Variants in ESR1 observed in about 807,000 individuals in gnomAD.
ESR1 encodes the protein estrogen receptor.
In ESR1, 12 loss-of-function variants were observed where a neutral mutation model predicts 52.7. The observed-to-expected ratio is 0.23, with a 90% confidence interval of 0.15 to 0.37. The LOEUF (loss-of-function observed/expected upper bound fraction) is 0.37. Ranked by LOEUF, ESR1 falls within the 10% of genes least tolerant of loss-of-function variation. The probability of loss-of-function intolerance (pLI) is 1.00; values close to 1 mark genes in which losing one functional copy is unlikely to be tolerated. For missense variants in ESR1, 584 were observed against 779.7 expected (o/e 0.75, Z 2.99); for synonymous variants, 305 against 316.8 (o/e 0.96, Z 0.39).
At chr6:151,691,715 G>A (rs1193341497) in intron 1 of ESR1, among the ~76,000 whole-genome samples, 1 of 149,252 alleles carries the variant, frequency 6.7e-6, no homozygotes, top group Non-Finnish European at 1.5e-5. Context: ...GAGTAAACAG[G>A]AAGACCAGGT....
At chr6:151,850,030 A>ATATATATATAATTT (rs1786130351) in intron 2 of ESR1, among the ~76,000 whole-genome samples, 11 of 77,890 alleles carry the variant, frequency 1.4e-4, no homozygotes, top group South Asian at 8.3e-4. Context: ...ATACAAAATT[A>ATATATATATAATTT]TATATATATA....
intron 3 of ESR1, among the ~76,000 whole-genome samples, chr6:151,886,112 T>C (rs1284759901): frequency 6.6e-6 from 1 of 152,146 alleles, no homozygotes; most frequent in Non-Finnish European, 1.5e-5. Context: ...ATTTCTAATT[T>C]CTTTGTGGAG....
chr6:152,050,033 T>C (rs1310159024), intron 5 of ESR1, among the ~76,000 whole-genome samples: 1 of 152,238 alleles, frequency 6.6e-6, no homozygotes, highest in Admixed American at 6.5e-5. Context: ...TGGAAATCTA[T>C]CCACTGGGCA....
chr6:151,958,668 T>G (rs2037281506), intron 4 of ESR1, among the ~76,000 whole-genome samples: 1 of 152,212 alleles, frequency 6.6e-6, no homozygotes, highest in African/African-American at 2.4e-5. Context: ...TCTAAAAATG[T>G]GTGTTATAGA....
chr6:152,123,292 G>A (rs1320562703), intron 6 of ESR1, among the ~76,000 whole-genome samples: 1 of 152,186 alleles, frequency 6.6e-6, no homozygotes, highest in African/African-American at 2.4e-5. Flanking sequence ...GTACGAACAA[G>A]GAATAGCAGT....
intron 6 of ESR1, among the ~76,000 whole-genome samples, chr6:152,115,547 T>C (rs2152514563): frequency 6.6e-6 from 1 of 152,278 alleles, no homozygotes; most frequent in South Asian, 2.1e-4. Context: ...CTTCTTAATG[T>C]AGACTAACTA....
intron 1 of ESR1, among the ~76,000 whole-genome samples, chr6:151,680,965 G>A (rs537097705): frequency 1.4e-4 from 21 of 152,240 alleles, no homozygotes; most frequent in Admixed American, 1.0e-3. Flanking sequence ...AGGGGTAGAC[G>A]CCCCGTCTCT....
In ESR1 at chr6:152,061,165, G is replaced by A. The variant is rs372823417; in HGVS notation, c.1369+41G>A. ...AAGATAACTCAATGCTGGATGAAAT[G>A]TTTATTTGTAGTTTTCAACCAGATA... On this transcript the variant is annotated intron_variant, in intron 6 of 7. Coordinates refer to ENST00000206249, the MANE Select transcript of ESR1 (RefSeq NM_000125.4). The surrounding 1 kb of genome is among the most constrained non-coding windows in gnomAD (Gnocchi z 4.3). The A allele has an allele frequency of 2.5e-6, 4 of 1,602,442 alleles. No individual in the cohort carries two copies. In the African/African-American group the frequency reaches 5.4e-5, roughly 21 times the overall value.
intron 1 of ESR1, among the ~76,000 whole-genome samples, chr6:151,823,646 G>A (rs940113686): frequency 9.1e-5 from 13 of 143,094 alleles, no homozygotes; most frequent in South Asian, 2.5e-4. Flanking sequence ...GACAGGTCCC[G>A]GAGTGTGATG....
rs574316953 is a variant in ESR1, at chr6:151,824,931, A to G, written c.452+16567A>G. Among the ~76,000 whole-genome samples the G allele has an allele frequency of 1.7e-3, 260 of 150,872 alleles. 1 individual carries two copies. Among genetic ancestry groups the G allele is most frequent in the African/African-American group, 6.2e-3 (254 of 41,002 alleles). On this transcript the variant is annotated intron_variant, in intron 1 of 7. Coordinates refer to ENST00000206249, the MANE Select transcript of ESR1 (RefSeq NM_000125.4). ...GCGAGACTCCATCTCAAAAAAAAAA[A>G]GAAAAAAAAGAGTTCTTGCTTTCAA...
chr6:151,665,044 A>G (rs1170714986), intron 1 of ESR1, among the ~76,000 whole-genome samples: 2 of 152,242 alleles, frequency 1.3e-5, no homozygotes, highest in African/African-American at 2.4e-5. Context: ...TAGTATTACT[A>G]TTAGTATCAT....
chr6:151,951,296 C>T (rs1461597299), intron 4 of ESR1, among the ~76,000 whole-genome samples: 1 of 152,102 alleles, frequency 6.6e-6, no homozygotes, highest in Non-Finnish European at 1.5e-5. Flanking sequence ...TTCGAACAGC[C>T]TCCTACAGAA....
At chr6:151,832,418 A>G (rs143220587) in intron 1 of ESR1, among the ~76,000 whole-genome samples, 8 of 152,334 alleles carry the variant, frequency 5.3e-5, no homozygotes, top group African/African-American at 1.7e-4. Flanking sequence ...CAAAATAAAT[A>G]CATACAAAAT....
chr6:151,781,614 G>C (rs1262416254), intron 2 of ESR1, among the ~76,000 whole-genome samples: 1 of 152,150 alleles, frequency 6.6e-6, no homozygotes, highest in Non-Finnish European at 1.5e-5. Flanking sequence ...CCACCGCTTC[G>C]CTGTTTCCAT....
chr6:151,741,180 C>T (rs1189453467), intron 2 of ESR1, among the ~76,000 whole-genome samples: 1 of 152,152 alleles, frequency 6.6e-6, no homozygotes, highest in Non-Finnish European at 1.5e-5. Flanking sequence ...TCATAACTGT[C>T]TTCTCCTCCC....
At chr6:151,920,205 G>A (rs1192652459) in intron 3 of ESR1, among the ~76,000 whole-genome samples, 1 of 151,988 alleles carries the variant, frequency 6.6e-6, no homozygotes, top group Non-Finnish European at 1.5e-5. Context: ...CATCAACATA[G>A]CAGCATGAAT....
intron 2 of ESR1, among the ~76,000 whole-genome samples, chr6:151,771,748 G>A (rs1562392748): frequency 1.3e-5 from 2 of 152,074 alleles, no homozygotes; most frequent in Non-Finnish European, 2.9e-5. Context: ...GAAAAGTAAA[G>A]TGAGATTTTC....
At chr6:151,875,466 T>C (rs1405347437) in intron 2 of ESR1, among the ~76,000 whole-genome samples, 2 of 152,178 alleles carry the variant, frequency 1.3e-5, no homozygotes, top group African/African-American at 4.8e-5. Flanking sequence ...TGAGCTCCAC[T>C]ATGTGTGTGA....
chr6:151,993,535 C>T (rs766294792), intron 4 of ESR1, among the ~76,000 whole-genome samples: 45 of 152,198 alleles, frequency 3.0e-4, no homozygotes, highest in Non-Finnish European at 4.9e-4. Context: ...AGGGCACATG[C>T]CTTGTTCCCA....
Sources: allele counts gnomAD v4.1 joint callset (sites outside exome capture counted in the v4.1 genomes callset), GRCh38; gene constraint gnomAD v4.1.1; non-coding constraint Gnocchi (gnomAD v3.1); transcripts MANE v1.5; gene names NCBI Gene and HGNC (gene_info 2026-07-23, HGNC 2026-07-21).